CEP152: variants seen among roughly 807,000 people sequenced by gnomAD.
CEP152 encodes the protein centrosomal protein 152.
In CEP152, 132 loss-of-function variants were observed where a neutral mutation model predicts 188.9. The ratio of observed to expected loss-of-function variants is 0.70; its 90% CI spans 0.61 to 0.81. The LOEUF is 0.81. Ranked by LOEUF, CEP152 falls within the 30% of genes least tolerant of loss-of-function variation. The pLI is 0.00. For synonymous variants in CEP152, 649 were observed against 666.6 expected, an observed-to-expected ratio of 0.97 and a Z score of 0.41; for missense variants, 1,914 against 1,969.8, an observed-to-expected ratio of 0.97 and a Z score of 0.54.
chr15:48,800,336 C>T (rs74598280), intron 2 of CEP152, among the ~76,000 whole-genome samples: 2 of 152,156 alleles, frequency 1.3e-5, no homozygotes, highest in Non-Finnish European at 2.9e-5. Context: ...TATTCCCTGG[C>T]TTCTGTAAGT....
At chr15:48,776,291 A>G (rs947163978) in intron 12 of CEP152, among the ~76,000 whole-genome samples, 4 of 152,184 alleles carry the variant, frequency 2.6e-5, no homozygotes, top group Admixed American at 1.3e-4. Flanking sequence ...GAAATACCTT[A>G]TTTTTAAATA....
downstream of CEP152, among the ~76,000 whole-genome samples, chr15:48,735,352 TAAAC>T (rs1892559483): frequency 6.6e-6 from 1 of 152,192 alleles, no homozygotes; most frequent in Non-Finnish European, 1.5e-5. Context: ...AGGTGCAACT[TAAAC>T]AGTGCTTAGA....
intron 2 of CEP152, 25 bp from the exon 3 acceptor site, chr15:48,798,076 A>G (rs756972196): frequency 1.3e-6 from 2 of 1,589,872 alleles, no homozygotes; most frequent in South Asian, 1.1e-5. Context: ...CTGCATCAAT[A>G]TCATACCAAC....
At chr15:48,735,420 T>A (rs1473885708), downstream of CEP152, among the ~76,000 whole-genome samples, 1 of 152,190 alleles carries the variant, frequency 6.6e-6, no homozygotes, top group Non-Finnish European at 1.5e-5. Flanking sequence ...TTCATATCAA[T>A]AATCTAAACT....
chr15:48,782,094 C>T (rs1313620876), intron 11 of CEP152, 45 bp downstream of exon 11: 1 of 1,535,566 alleles, frequency 6.5e-7, no homozygotes, highest in Non-Finnish European at 9.0e-7. Flanking sequence ...TAACTACTGC[C>T]TAATTCAGAT....
Position 48,772,530 on chromosome 15 carries a change from T to G in CEP152, c.1739A>C (p.Asp580Ala). The G allele has an allele frequency of 6.2e-7, 1 of 1,613,860 alleles. No homozygotes were observed. The highest frequency in any genetic ancestry group is 8.5e-7 in the Non-Finnish European group (1 of 1,180,028). The stretch of plus-strand genomic sequence containing the variant: ...TTCATCCTTCTTCACTTGGTGGAGA[T>G]CTTCAATTTTCTTATGACAGTCTTT... Reference protein sequence around the residue: ...DLKDCHKKIEDLHQVKKDEKS... With the variant: ...DLKDCHKKIEALHQVKKDEKS... Residue 580 changes from aspartate (D) to alanine (A), a missense_variant, in exon 13 of 27, where the codon GAT (aspartate) becomes GCT (alanine). Coordinates refer to ENST00000380950, the MANE Select transcript of CEP152 (RefSeq NM_001194998.2).
chr15:48,805,862 C>T (rs1014102785), intron 1 of CEP152, among the ~76,000 whole-genome samples: 1 of 152,000 alleles, frequency 6.6e-6, no homozygotes. Context: ...AGAAAACATG[C>T]AAATAGGTAA....
intron 5 of CEP152, 129 bp from the exon 6 acceptor site, chr15:48,796,289 TACACAC>T (rs3074978): frequency 0.048 from 24,610 of 517,428 alleles, 3 homozygotes; most frequent in East Asian, 0.077. Context: ...TTTATATATA[TACACAC>T]ACACACACAC....
intron 6 of CEP152, among the ~76,000 whole-genome samples, chr15:48,794,187 C>T (rs2140895598): frequency 6.6e-6 from 1 of 151,784 alleles, no homozygotes; most frequent in South Asian, 2.1e-4. Flanking sequence ...TCCACGAATA[C>T]ATAATTTAAA....
chr15:48,762,814 A>C (rs1318164941), intron 17 of CEP152, 142 bp from the exon 18 acceptor site: 2 of 824,524 alleles, frequency 2.4e-6, no homozygotes, highest in East Asian at 5.3e-5. Flanking sequence ...AGGTTTAGAA[A>C]TTTAGTCAAT....
intron 13 of CEP152, among the ~76,000 whole-genome samples, chr15:48,771,011 A>G (rs1895488333): frequency 1.3e-5 from 2 of 152,184 alleles, no homozygotes; most frequent in South Asian, 2.1e-4. Flanking sequence ...ATCTCCACCC[A>G]GGAGGAAAAG....
rs747436177 is a variant in CEP152 at position 48,787,163 on chromosome 15, G to GTTTTTT, written c.1173+1632_1173+1637dup. On this transcript the variant is annotated intron_variant, in intron 9 of 26. Coordinates refer to ENST00000380950, the MANE Select transcript of CEP152 (RefSeq NM_001194998.2). ...TTTTCAATAATTTGGTATAGCCTTC[G>GTTTTTT]TTTTTTTTTTTTTTTTTTTCTGGAA... 2.7e-4 allele frequency among the ~76,000 whole-genome samples: 27 copies of GTTTTTT among 101,518 alleles called. 6 individuals carry two copies. Among genetic ancestry groups the GTTTTTT allele is most frequent in the South Asian group, 1.1e-3 (3 of 2,836 alleles). 66.6% of individuals were successfully genotyped at this position (101,518 alleles called of 152,430 possible).
chr15:48,783,717 C>T (rs1320650847), intron 10 of CEP152, among the ~76,000 whole-genome samples: 1 of 148,708 alleles, frequency 6.7e-6, no homozygotes, highest in African/African-American at 2.5e-5. Flanking sequence ...CTCCAGCTTC[C>T]AAATTATTTA....
intron 1 of CEP152, 186 bp downstream of exon 1, chr15:48,810,775 G>A (rs1898281784): frequency 1.3e-5 from 2 of 152,314 alleles, no homozygotes; most frequent in Admixed American, 1.3e-4. Context: ...GTAGGATATT[G>A]GAGGAATGAA....
At chr15:48,796,778 C>G (rs113386498) in intron 5 of CEP152, among the ~76,000 whole-genome samples, 2 of 152,142 alleles carry the variant, frequency 1.3e-5, no homozygotes, top group East Asian at 1.9e-4. Context: ...AACTCCCCCC[C>G]AGGAAAAACA....
intron 22 of CEP152, among the ~76,000 whole-genome samples, chr15:48,746,485 T>G (rs1893437242): frequency 6.6e-6 from 1 of 152,224 alleles, no homozygotes; most frequent in African/African-American, 2.4e-5. Flanking sequence ...TGGCCTCTAC[T>G]AAAGAGCTAA....
chr15:48,789,505 C>T (rs1038196175), intron 8 of CEP152, among the ~76,000 whole-genome samples: 5 of 152,176 alleles, frequency 3.3e-5, no homozygotes, highest in East Asian at 1.9e-4. Context: ...CCAAAATGAC[C>T]GTGTCCTAAT....
At chr15:48,744,489 T>G in intron 23 of CEP152, 146 bp from the exon 24 acceptor site, 1 of 1,386,364 alleles carries the variant, frequency 7.2e-7, no homozygotes. Flanking sequence ...ATACAGTTAT[T>G]TAAAATAGGG....
chr15:48,769,603 G>C (rs1215725244), intron 13 of CEP152, among the ~76,000 whole-genome samples: 2 of 151,976 alleles, frequency 1.3e-5, no homozygotes, highest in Non-Finnish European at 2.9e-5. Flanking sequence ...ATTGAAGGTG[G>C]GATCTGTCAT....
Sources: gnomAD v4.1 joint callset for allele counts (sites outside exome capture counted in the v4.1 genomes callset) on GRCh38, gnomAD v4.1.1 for gene constraint, MANE v1.5 for transcripts, NCBI Gene and HGNC (gene_info 2026-07-23, HGNC 2026-07-21) for gene names.